The following KCNIP4 variants were observed in gnomAD, a reference collection of about 807,000 sequenced individuals.
KCNIP4 encodes the protein Kv channel-interacting protein 4.
In KCNIP4, 12 loss-of-function variants were observed where a neutral mutation model predicts 34.0. The observed-to-expected ratio is 0.35, with a 90% CI of 0.23 to 0.57. The LOEUF (loss-of-function observed/expected upper bound fraction) is 0.57, where lower values mean the gene tolerates loss of function less well. Ranked by LOEUF, KCNIP4 falls within the 20% of genes least tolerant of loss-of-function variation. The pLI, the probability that KCNIP4 is intolerant of heterozygous loss-of-function variation, is 0.83. For synonymous variants in KCNIP4, 124 were observed against 102.2 expected (o/e 1.21, Z -1.29); for missense variants, 238 against 311.7 (o/e 0.76, Z 1.78).
At chr4:21,087,735 A>G (rs898171353) in intron 1 of KCNIP4, among the ~76,000 whole-genome samples, 2 of 152,078 alleles carry the variant, frequency 1.3e-5, no homozygotes, top group African/African-American at 4.8e-5. Context: ...AATTCAATGG[A>G]CTTCTGTTAT....
At position 21,247,395 on chromosome 4, in the gene KCNIP4, T is replaced by C. The variant is rs565556669; in HGVS notation, c.62-364686A>G. 1.2e-4 allele frequency among the ~76,000 whole-genome samples: 18 copies of C among 151,822 alleles called. No homozygotes were observed. In the South Asian group the frequency reaches 3.7e-3, roughly 32 times the overall value. ...TCTTGTTCATTAGGACTCTTCTCTA[T>C]AGGAGGGTACAATAAAGGGTTTGAA... is the stretch of plus-strand genomic sequence containing the variant. On this transcript the variant is annotated intron_variant, in intron 1 of 8. Transcript: ENST00000382152.
intron 1 of KCNIP4, among the ~76,000 whole-genome samples, chr4:21,364,166 T>C (rs1334238781): frequency 1.3e-5 from 2 of 152,320 alleles, no homozygotes; most frequent in East Asian, 3.9e-4. Flanking sequence ...GTGGAATTTC[T>C]GCCTCCAAAC....
intron 1 of KCNIP4, among the ~76,000 whole-genome samples, chr4:21,546,002 A>G (rs1478761190): frequency 2.0e-5 from 3 of 152,080 alleles, no homozygotes; most frequent in South Asian, 2.1e-4. Context: ...TCCCACCAAC[A>G]CTTGCTTTCA....
chr4:21,384,730 G>T (rs17522139), intron 1 of KCNIP4, among the ~76,000 whole-genome samples: 74,177 of 152,008 alleles, frequency 0.49, 20,618 homozygotes, highest in Non-Finnish European at 0.62. Flanking sequence ...TGAGTAAGAT[G>T]CTTAACCATA....
chr4:21,408,541 T>G (rs1724205965), intron 1 of KCNIP4, among the ~76,000 whole-genome samples: 1 of 152,170 alleles, frequency 6.6e-6, no homozygotes, highest in African/African-American at 2.4e-5. Flanking sequence ...GGAGAGAGGT[T>G]TCAGGATGTT....
At chr4:20,824,408 G>A (rs753342535) in intron 3 of KCNIP4, among the ~76,000 whole-genome samples, 6 of 152,258 alleles carry the variant, frequency 3.9e-5, no homozygotes, top group South Asian at 2.1e-4. Flanking sequence ...TAGGCCAGGC[G>A]TGGTAGCTCA....
At chr4:20,954,193 C>CA (rs1161238398) in intron 1 of KCNIP4, among the ~76,000 whole-genome samples, 6 of 152,084 alleles carry the variant, frequency 3.9e-5, no homozygotes, top group Non-Finnish European at 8.8e-5. Context: ...AAGTAATAAA[C>CA]AGAGTTCACA....
chr4:21,125,828 A>C (rs2109151256), intron 1 of KCNIP4, among the ~76,000 whole-genome samples: 1 of 152,260 alleles, frequency 6.6e-6, no homozygotes, highest in East Asian at 1.9e-4. Context: ...CTATATTTTT[A>C]GAGTAGTTAT....
At chr4:21,806,951 C>T (rs951075372) in intron 1 of KCNIP4, among the ~76,000 whole-genome samples, 6 of 151,930 alleles carry the variant, frequency 3.9e-5, no homozygotes, top group East Asian at 1.9e-4. Flanking sequence ...TTATACTATA[C>T]GATGAAACAA....
At chr4:21,789,793 C>T (rs7659552) in intron 1 of KCNIP4, among the ~76,000 whole-genome samples, 11,843 of 152,172 alleles carry the variant, frequency 0.078, 541 homozygotes, top group Middle Eastern at 0.14. Context: ...TCAAGGGAGG[C>T]AGAACCTTAT....
intron 1 of KCNIP4, among the ~76,000 whole-genome samples, chr4:21,259,475 C>T (rs575943640): frequency 6.6e-6 from 1 of 152,114 alleles, no homozygotes; most frequent in Non-Finnish European, 1.5e-5. Context: ...TTGGCCATCT[C>T]AAGTTTTTAC....
intron 1 of KCNIP4, among the ~76,000 whole-genome samples, chr4:21,651,674 GA>G (rs1560594218): frequency 6.6e-6 from 1 of 152,092 alleles, no homozygotes; most frequent in African/African-American, 2.4e-5. Context: ...TCTTTTACAA[GA>G]ACAAAACATA....
chr4:21,815,257 T>C (rs1208106322), intron 1 of KCNIP4, among the ~76,000 whole-genome samples: 1 of 152,116 alleles, frequency 6.6e-6, no homozygotes, highest in Non-Finnish European at 1.5e-5. Flanking sequence ...GGGATAAAAA[T>C]TGTCTTTTGT....
At chr4:21,767,244 T>C (rs1456770190) in intron 1 of KCNIP4, among the ~76,000 whole-genome samples, 2 of 152,070 alleles carry the variant, frequency 1.3e-5, no homozygotes, top group African/African-American at 4.8e-5. Context: ...GACAGTCAGA[T>C]CACACAGAGC....
intron 1 of KCNIP4, among the ~76,000 whole-genome samples, chr4:21,632,359 G>A (rs1341138870): frequency 1.3e-5 from 2 of 151,716 alleles, no homozygotes; most frequent in African/African-American, 2.4e-5. Context: ...GATTACAGGT[G>A]CGAGCCACCA....
At chr4:21,220,432 A>G (rs1757906902) in intron 1 of KCNIP4, among the ~76,000 whole-genome samples, 1 of 152,134 alleles carries the variant, frequency 6.6e-6, no homozygotes, top group Admixed American at 6.6e-5. Flanking sequence ...CGGGGGAGGG[A>G]TAGCGTTAGG....
intron 1 of KCNIP4, among the ~76,000 whole-genome samples, chr4:21,506,151 G>A (rs991671598): frequency 2.6e-5 from 4 of 151,838 alleles, no homozygotes; most frequent in African/African-American, 9.7e-5. Context: ...ACTATTATGT[G>A]GACATGTGCT....
At chr4:21,166,764 C>T (rs1753654068) in intron 1 of KCNIP4, among the ~76,000 whole-genome samples, 1 of 151,836 alleles carries the variant, frequency 6.6e-6, no homozygotes, top group Non-Finnish European at 1.5e-5. Context: ...CATGGCAAAA[C>T]CCCGTCTCTG....
intron 1 of KCNIP4, among the ~76,000 whole-genome samples, chr4:21,808,793 C>A (rs988336965): frequency 4.6e-5 from 7 of 152,100 alleles, no homozygotes; most frequent in Admixed American, 3.3e-4. Flanking sequence ...AGCTCCAAAT[C>A]TATAATTTTG....
Sources: allele counts gnomAD v4.1 joint callset (sites outside exome capture counted in the v4.1 genomes callset), GRCh38; gene constraint gnomAD v4.1.1; transcripts MANE v1.5; gene names NCBI Gene and HGNC (gene_info 2026-07-23, HGNC 2026-07-21).